CDH13: variants seen among roughly 807,000 people sequenced by gnomAD.
CDH13 encodes cadherin-13.
In CDH13, 24 loss-of-function variants were observed where a neutral mutation model predicts 63.8. The observed-to-expected ratio is 0.38, with a 90% CI of 0.27 to 0.53. The LOEUF (loss-of-function observed/expected upper bound fraction) is 0.53. Ranked by LOEUF, CDH13 falls within the 20% of genes least tolerant of loss-of-function variation. The pLI is 0.85. For missense variants in CDH13, 1,049 were observed against 903.1 expected, an observed-to-expected ratio of 1.16 and a Z score of -2.07; for synonymous variants, 503 against 355.3, an observed-to-expected ratio of 1.42 and a Z score of -4.67.
chr16:83,287,203 A>G (rs778755564), intron 5 of CDH13, among the ~76,000 whole-genome samples: 5 of 152,210 alleles, frequency 3.3e-5, no homozygotes, highest in African/African-American at 4.8e-5. Context: ...AATCAGAGAT[A>G]TCCAGTAGGA....
chr16:82,735,023 A>C (rs2033600382), intron 1 of CDH13, among the ~76,000 whole-genome samples: 1 of 152,188 alleles, frequency 6.6e-6, no homozygotes, highest in Non-Finnish European at 1.5e-5. Flanking sequence ...TAACTGAGAG[A>C]TGAAGGTGGC....
At chr16:83,290,144 C>A (rs966102055) in intron 5 of CDH13, among the ~76,000 whole-genome samples, 1 of 152,154 alleles carries the variant, frequency 6.6e-6, no homozygotes, top group Non-Finnish European at 1.5e-5. Flanking sequence ...TGTTGCATAT[C>A]GTTTGTTCAT....
chr16:83,184,812 A>T (rs2038462415), intron 4 of CDH13, among the ~76,000 whole-genome samples: 3 of 151,886 alleles, frequency 2.0e-5, no homozygotes, highest in Admixed American at 1.3e-4. Context: ...ATAATACCTG[A>T]TGCTTTCGTA....
At chr16:82,892,920 A>G (rs562472317) in intron 2 of CDH13, among the ~76,000 whole-genome samples, 4 of 152,322 alleles carry the variant, frequency 2.6e-5, no homozygotes, top group African/African-American at 9.6e-5. Flanking sequence ...TAATCCCTAA[A>G]CACATTTTGA....
chr16:83,496,532 C>T (rs1386520292), intron 7 of CDH13, among the ~76,000 whole-genome samples: 7 of 152,032 alleles, frequency 4.6e-5, no homozygotes, highest in African/African-American at 1.7e-4. Flanking sequence ...AAGACTTAAA[C>T]GTTAGACCTA....
intron 1 of CDH13, among the ~76,000 whole-genome samples, chr16:82,693,280 C>G (rs1017956300): frequency 6.6e-6 from 1 of 152,180 alleles, no homozygotes; most frequent in Non-Finnish European, 1.5e-5. Flanking sequence ...GAATAAGTAC[C>G]TCTTTATTTT....
intron 1 of CDH13, among the ~76,000 whole-genome samples, chr16:82,856,866 G>T (rs538154982): frequency 6.6e-6 from 1 of 152,076 alleles, no homozygotes; most frequent in Non-Finnish European, 1.5e-5. Context: ...GTGGAAACTG[G>T]GAGACAAAAT....
intron 4 of CDH13, among the ~76,000 whole-genome samples, chr16:83,207,901 A>G (rs16959805): frequency 0.029 from 4,375 of 152,284 alleles, 96 homozygotes; most frequent in African/African-American, 0.062. Flanking sequence ...GCATAATCTT[A>G]AGAGTCTGCT....
chr16:83,154,347 G>A (rs529566518), intron 4 of CDH13, among the ~76,000 whole-genome samples: 162 of 152,084 alleles, frequency 1.1e-3, no homozygotes, highest in African/African-American at 3.8e-3. Flanking sequence ...ACAAGGTCAG[G>A]AGATCCAGAC....
At chr16:82,729,779 C>G (rs908715853) in intron 1 of CDH13, among the ~76,000 whole-genome samples, 3 of 152,212 alleles carry the variant, frequency 2.0e-5, no homozygotes, top group Non-Finnish European at 2.9e-5. Context: ...GCATCTTCTT[C>G]CAGTATAAAG....
At chr16:82,828,219 C>T (rs537249773) in intron 1 of CDH13, among the ~76,000 whole-genome samples, 38 of 152,258 alleles carry the variant, frequency 2.5e-4, no homozygotes, top group Middle Eastern at 3.4e-3. Context: ...AAGCTTGGGC[C>T]GCAGCATTGC....
chr16:82,857,287 A>G (rs952154845), intron 1 of CDH13, among the ~76,000 whole-genome samples: 3 of 152,208 alleles, frequency 2.0e-5, no homozygotes, highest in African/African-American at 4.8e-5. Flanking sequence ...GAGATGATGC[A>G]TATGGTGAGT....
At chr16:82,687,972 C>A (rs1427427852) in intron 1 of CDH13, among the ~76,000 whole-genome samples, 1 of 152,140 alleles carries the variant, frequency 6.6e-6, no homozygotes, top group Non-Finnish European at 1.5e-5. Context: ...CTTTTACTGT[C>A]CATTGCCACA....
intron 2 of CDH13, among the ~76,000 whole-genome samples, chr16:83,013,242 G>A (rs559634891): frequency 7.2e-5 from 11 of 152,324 alleles, no homozygotes; most frequent in African/African-American, 2.6e-4. Context: ...TAGTGTGGCT[G>A]TATTCCAATA....
intron 1 of CDH13, among the ~76,000 whole-genome samples, chr16:82,828,533 A>T (rs554185954): frequency 2.6e-5 from 4 of 152,134 alleles, no homozygotes; most frequent in Admixed American, 2.0e-4. Flanking sequence ...TGGCTGAGGC[A>T]TGAGAATTGC....
chr16:83,132,437 C>G (rs1384717924), intron 4 of CDH13, among the ~76,000 whole-genome samples: 1 of 99,358 alleles, frequency 1.0e-5, no homozygotes, highest in Non-Finnish European at 2.0e-5. Flanking sequence ...CCCCACCCAC[C>G]CCCCAACACC....
At chr16:82,684,312 G>A (rs1914845587) in intron 1 of CDH13, among the ~76,000 whole-genome samples, 1 of 152,092 alleles carries the variant, frequency 6.6e-6, no homozygotes, top group South Asian at 2.1e-4. Context: ...CCCTTTAAGG[G>A]CCCCTATGAA....
At chr16:82,973,735 C>A (rs1001617477) in intron 2 of CDH13, among the ~76,000 whole-genome samples, 19 of 152,182 alleles carry the variant, frequency 1.2e-4, no homozygotes, top group African/African-American at 4.3e-4. Flanking sequence ...ATTCTTCTAT[C>A]CCATGACATT....
chr16:83,748,288 C>G, intron 11 of CDH13, 38 bp downstream of exon 11: 1 of 1,548,856 alleles, frequency 6.5e-7, no homozygotes, highest in Non-Finnish European at 8.8e-7. Flanking sequence ...GTATACTTTT[C>G]TGCTACAAAT....
Sources: gnomAD v4.1 joint callset for allele counts (sites outside exome capture counted in the v4.1 genomes callset) on GRCh38, gnomAD v4.1.1 for gene constraint, MANE v1.5 for transcripts, NCBI Gene and HGNC (gene_info 2026-07-23, HGNC 2026-07-21) for gene names.